Variants in SH3BP5 observed in about 807,000 individuals in gnomAD.
SH3BP5 encodes the protein SH3 domain binding protein 5, also known as SH3 domain-binding protein 5.
Under a neutral mutation model 43.3 loss-of-function variants are expected in SH3BP5, and 22 were observed. The ratio of observed to expected loss-of-function variants is 0.51; its 90% CI spans 0.36 to 0.73. SH3BP5 has a LOEUF of 0.73. Ranked by LOEUF, SH3BP5 falls within the 30% of genes least tolerant of loss-of-function variation. The pLI, the probability that SH3BP5 is intolerant of heterozygous loss-of-function variation, is 0.00. For synonymous variants in SH3BP5, 255 were observed against 225.8 expected (o/e 1.13, Z -1.16); for missense variants, 529 against 586.9 (o/e 0.90, Z 1.02).
chr3:15,286,847 C>T (rs1697278584), intron 3 of SH3BP5, among the ~76,000 whole-genome samples: 1 of 152,202 alleles, frequency 6.6e-6, no homozygotes, highest in African/African-American at 2.4e-5. Context: ...TGCCGGGCTG[C>T]AAGCATTCCT....
At chr3:15,332,866 G>A (rs1698652378), upstream of SH3BP5, among the ~76,000 whole-genome samples, 1 of 152,362 alleles carries the variant, frequency 6.6e-6, no homozygotes, top group Admixed American at 6.5e-5. Flanking sequence ...TTGTGTGGTA[G>A]GGAGGCGTGG....
At chr3:15,263,916 G>A (rs541867207) in intron 4 of SH3BP5, among the ~76,000 whole-genome samples, 9 of 152,180 alleles carry the variant, frequency 5.9e-5, no homozygotes, top group Non-Finnish European at 1.3e-4. Flanking sequence ...TCTCTGGGGA[G>A]CATCCGAGAG....
At chr3:15,300,446 G>A (rs932390208) in intron 3 of SH3BP5, among the ~76,000 whole-genome samples, 14 of 151,630 alleles carry the variant, frequency 9.2e-5, no homozygotes, top group African/African-American at 2.9e-4. Context: ...GAGTCTCTCA[G>A]GCACCATTTC....
chr3:15,329,563 G>T (rs1425466233), intron 2 of SH3BP5, among the ~76,000 whole-genome samples: 2 of 152,148 alleles, frequency 1.3e-5, no homozygotes, highest in Non-Finnish European at 2.9e-5. Context: ...CAGGGCCTAC[G>T]CACGCAGCAG....
At chr3:15,310,966 G>C (rs1400864539) in intron 2 of SH3BP5, among the ~76,000 whole-genome samples, 1 of 152,102 alleles carries the variant, frequency 6.6e-6, no homozygotes, top group Non-Finnish European at 1.5e-5. Flanking sequence ...CACAGGATGA[G>C]TCAGTGTTTT....
intron 5 of SH3BP5, 47 bp downstream of exon 5, chr3:15,262,112 G>A (rs908834533): frequency 6.2e-7 from 1 of 1,608,712 alleles, no homozygotes; most frequent in Non-Finnish European, 8.5e-7. Context: ...AGAAGATGCA[G>A]ACTAGGACAG....
chr3:15,278,011 A>G (rs12330149), intron 3 of SH3BP5, among the ~76,000 whole-genome samples: 64,178 of 152,106 alleles, frequency 0.42, 15,991 homozygotes, highest in African/African-American at 0.71. Context: ...ACCCGGAGGA[A>G]AGAGAAGCCC....
At chr3:15,278,345 C>T (rs13061978) in intron 3 of SH3BP5, among the ~76,000 whole-genome samples, 3 of 152,162 alleles carry the variant, frequency 2.0e-5, no homozygotes, top group Non-Finnish European at 4.4e-5. Flanking sequence ...ATGGGCAGGA[C>T]AAACATCAAA....
intron 5 of SH3BP5, 130 bp from the exon 6 acceptor site, chr3:15,259,933 C>T (rs1257410752): frequency 3.7e-6 from 3 of 800,030 alleles, no homozygotes; most frequent in Non-Finnish European, 6.5e-6. Context: ...AAACTCTTAA[C>T]AAGGCCGTGA....
intron 3 of SH3BP5, among the ~76,000 whole-genome samples, chr3:15,284,926 C>G (rs1166295049): frequency 6.6e-6 from 1 of 152,194 alleles, no homozygotes; most frequent in Non-Finnish European, 1.5e-5. Flanking sequence ...GTGCCCCAGA[C>G]CCAGGACCTT....
chr3:15,334,519 G>A (rs1341070348), upstream of SH3BP5, among the ~76,000 whole-genome samples: 4 of 151,980 alleles, frequency 2.6e-5, no homozygotes, highest in South Asian at 2.1e-4. Context: ...ACTGGAGGCC[G>A]GGAGTTCCAG....
chr3:15,332,999 G>T, upstream of SH3BP5: 1 of 748,104 alleles, frequency 1.3e-6, no homozygotes, highest in Non-Finnish European at 1.6e-6. Context: ...CTTGGGAATG[G>T]CGGAGGTTCC....
intron 2 of SH3BP5, among the ~76,000 whole-genome samples, chr3:15,310,991 A>C (rs1343261834): frequency 6.6e-6 from 1 of 152,120 alleles, no homozygotes; most frequent in Non-Finnish European, 1.5e-5. Context: ...CCAATCGCTC[A>C]CCTGCTCACC....
At chr3:15,264,892 A>G (rs1036282732) in intron 4 of SH3BP5, among the ~76,000 whole-genome samples, 1 of 152,062 alleles carries the variant, frequency 6.6e-6, no homozygotes, top group Non-Finnish European at 1.5e-5. Flanking sequence ...AAAAGATCCA[A>G]TTAAAGGTTT....
At chr3:15,277,817 C>CG (rs2125076105) in intron 3 of SH3BP5, among the ~76,000 whole-genome samples, 1 of 152,216 alleles carries the variant, frequency 6.6e-6, no homozygotes, top group African/African-American at 2.4e-5. Flanking sequence ...CATACACCCC[C>CG]CCAGCACTTG....
At position 15,256,210 on chromosome 3, in the gene SH3BP5, T is replaced by C; in HGVS notation, c.1244A>G (p.Lys415Arg). Residue 415 changes from lysine to arginine, a missense_variant, in exon 9 of 9, where the codon AAG (lysine) becomes AGG (arginine). Coordinates refer to ENST00000383791, the MANE Select transcript of SH3BP5 (RefSeq NM_004844.5). ...SSSSGSGGSS[K>R]SQSSTSPEGQ... ...CTCAGGGGAGGTGCTGCTTTGGCTC[T>C]TACTGCTGCCACCACTGCCACTGCT... 1 of 1,614,228 alleles carries C rather than the reference T, an allele frequency of 6.2e-7. No individual in the cohort carries two copies. Among genetic ancestry groups the C allele is most frequent in the Non-Finnish European group, 8.5e-7 (1 of 1,180,038 alleles).
chr3:15,330,734 G>C (rs1341265108), intron 1 of SH3BP5, 168 bp from the exon 2 acceptor site: 2 of 985,110 alleles, frequency 2.0e-6, no homozygotes, highest in Non-Finnish European at 2.4e-6. Flanking sequence ...AAAAGCAAAT[G>C]AATGTCGGCA....
Position 15,255,910 on chromosome 3 carries a change from G to T in SH3BP5, c.*176C>A. ...ACAAGAACTCTGCTCTGAAAAACCA[G>T]CCCAAGAGCTCTTACCCAGAAGAAC... On this transcript the variant is annotated 3_prime_UTR_variant, in exon 9 of 9. Coordinates refer to ENST00000383791, the MANE Select transcript of SH3BP5 (RefSeq NM_004844.5). 1.6e-6 allele frequency: 1 copy of T among 628,756 alleles called. No homozygotes were observed. Among genetic ancestry groups the T allele is most frequent in the Admixed American group, 2.9e-5 (1 of 34,204 alleles). The allele number at this position is 628,756 out of a possible 1,614,324, so 38.9% of individuals were successfully genotyped here.
chr3:15,294,752 A>T (rs1469058070), intron 3 of SH3BP5, among the ~76,000 whole-genome samples: 1 of 152,110 alleles, frequency 6.6e-6, no homozygotes, highest in African/African-American at 2.4e-5. Context: ...TAAGGACATC[A>T]ATTTCTCAAA....
Sources: allele counts gnomAD v4.1 joint callset (sites outside exome capture counted in the v4.1 genomes callset), GRCh38; gene constraint gnomAD v4.1.1; transcripts MANE v1.5; gene names NCBI Gene and HGNC (gene_info 2026-07-23, HGNC 2026-07-21).